PIGF: variants seen among roughly 807,000 people sequenced by gnomAD.
PIGF encodes the protein phosphatidylinositol glycan anchor biosynthesis class F, also known as GPI ethanolamine phosphate transferase, stabilizing subunit.
PIGF carries 23 observed loss-of-function variants against 26.0 expected under a neutral mutation model. That is an observed-to-expected ratio of 0.88 (90% CI 0.64 to 1.25). The LOEUF is 1.25. Among genes scored for constraint, PIGF ranks in the 50% most tolerant of loss-of-function variants. The pLI, the probability that PIGF is intolerant of heterozygous loss-of-function variation, is 0.00. For missense variants in PIGF, 278 were observed against 249.9 expected (o/e 1.11, Z -0.76); for synonymous variants, 93 against 92.6 (o/e 1.00, Z -0.03).
intron 4 of PIGF, among the ~76,000 whole-genome samples, chr2:46,610,311 TAG>T (rs1670370603): frequency 6.6e-6 from 1 of 152,126 alleles, no homozygotes; most frequent in African/African-American, 2.4e-5. Context: ...TTATTAGACA[TAG>T]ACTTGAAAAC....
In PIGF at chr2:46,607,129, T is replaced by A. The variant is rs183504550; in HGVS notation, c.437+5099A>T. On this transcript the variant is annotated intron_variant, in intron 4 of 5. Transcript: ENST00000281382. ...TATTTTAAATAGATGATGTGTACGG[T>A]GTGTGAATTATATCTCAATACTGTT... Among the ~76,000 whole-genome samples, 248 of 152,276 alleles carry A rather than the reference T, an allele frequency of 1.6e-3. 1 individual carries two copies. The highest frequency in any genetic ancestry group is 5.6e-3 in the African/African-American group (231 of 41,570).
rs80341704 is a variant in PIGF, at chr2:46,588,452, G to C, written c.546+4023C>G. ...CACAAATGCCTGTAACATTAATTAA[G>C]TAATAACCATGTGTCAGGTGCTGAG... On this transcript the variant is annotated intron_variant, in intron 5 of 5. Transcript: ENST00000281382. This position sits in a 1 kb window ranked among gnomAD's most constrained non-coding sequence, Gnocchi z 4.1. 2,221 of 305,904 alleles carry C rather than the reference G, an allele frequency of 7.3e-3. 62 individuals are homozygous for C. Among genetic ancestry groups the C allele is most frequent in the African/African-American group, 0.046 (2,053 of 44,808 alleles). The allele number at this position is 305,904 out of a possible 1,614,324, so 18.9% of individuals were successfully genotyped here. A position where few individuals can be genotyped will look rare whatever the true frequency, so the allele number is the denominator to read the frequency against.
chr2:46,614,825 T>C (rs1369206258), intron 2 of PIGF, 112 bp downstream of exon 2: 2 of 601,210 alleles, frequency 3.3e-6, no homozygotes, highest in Non-Finnish European at 6.0e-6. Flanking sequence ...AAATATCAGG[T>C]TCCCTTTGCT....
At chr2:46,596,100 G>A (rs1669875130) in intron 4 of PIGF, among the ~76,000 whole-genome samples, 1 of 151,762 alleles carries the variant, frequency 6.6e-6, no homozygotes, top group South Asian at 2.1e-4. Flanking sequence ...TGTAATCCCA[G>A]CTACTCGGGA....
At chr2:46,592,027 A>G in intron 5 of PIGF, 1 of 1,224,224 alleles carries the variant, frequency 8.2e-7, no homozygotes, top group Admixed American at 2.4e-5. Flanking sequence ...GAAAATAGGA[A>G]ATTTCTGCAG....
intron 5 of PIGF, chr2:46,582,329 T>C (rs1433851846): frequency 6.6e-6 from 1 of 151,984 alleles, no homozygotes; most frequent in African/African-American, 2.4e-5. Context: ...TGTTCTTCTG[T>C]GAAGCTTATT....
chr2:46,612,987 C>G (rs1670474659), intron 3 of PIGF, among the ~76,000 whole-genome samples: 1 of 151,860 alleles, frequency 6.6e-6, no homozygotes, highest in African/African-American at 2.4e-5. Context: ...CTTGTTCTCT[C>G]CCATCTAGAA....
At chr2:46,585,798 G>C (rs1175362755) in intron 5 of PIGF, among the ~76,000 whole-genome samples, 3 of 151,588 alleles carry the variant, frequency 2.0e-5, no homozygotes, top group Non-Finnish European at 4.4e-5. Context: ...TTTTGAGACG[G>C]ACTCTCGCTC....
chr2:46,580,974 G>T lies in PIGF; in HGVS notation c.*504C>A, dbSNP rs760621933. 6.3e-7 allele frequency: 1 copy of T among 1,577,794 alleles called. No individual in the cohort carries two copies. The highest frequency in any genetic ancestry group is 8.6e-7 in the Non-Finnish European group (1 of 1,167,634). On this transcript the variant is annotated 3_prime_UTR_variant, in exon 6 of 6. Transcript: ENST00000281382. ...GAATGTTCAGCTTTAACCCAGAAGG[G>T]ATTGAAGACTGTTTTTGATGAGGCT... is the stretch of plus-strand genomic sequence containing the variant.
At chr2:46,609,039 C>T (rs892060423) in intron 4 of PIGF, among the ~76,000 whole-genome samples, 3 of 152,240 alleles carry the variant, frequency 2.0e-5, no homozygotes, top group African/African-American at 7.2e-5. Flanking sequence ...TCCTCTCTAA[C>T]TTTAAAAGTC....
At chr2:46,606,217 G>A (rs1670216798) in intron 4 of PIGF, among the ~76,000 whole-genome samples, 1 of 152,176 alleles carries the variant, frequency 6.6e-6, no homozygotes, top group Non-Finnish European at 1.5e-5. Context: ...GATATTCAGT[G>A]GAAAGTCTCC....
At chr2:46,609,939 C>T (rs59183773) in intron 4 of PIGF, among the ~76,000 whole-genome samples, 26,423 of 151,944 alleles carry the variant, frequency 0.17, 3,599 homozygotes, top group African/African-American at 0.38. Flanking sequence ...GGAAAAACGG[C>T]GCTGATACAT....
At chr2:46,596,674 AC>A (rs948916167) in intron 4 of PIGF, among the ~76,000 whole-genome samples, 4 of 151,992 alleles carry the variant, frequency 2.6e-5, no homozygotes, top group East Asian at 3.9e-4. Context: ...AAAAAAAAAA[AC>A]ATAAATTAAG....
chr2:46,598,909 A>G (rs1669972078), intron 4 of PIGF, among the ~76,000 whole-genome samples: 1 of 152,222 alleles, frequency 6.6e-6, no homozygotes, highest in Non-Finnish European at 1.5e-5. Flanking sequence ...GGATGCTTAT[A>G]ATTCAAGCAC....
At chr2:46,611,445 C>T (rs1309136653) in intron 4 of PIGF, among the ~76,000 whole-genome samples, 1 of 150,918 alleles carries the variant, frequency 6.6e-6, no homozygotes, top group Non-Finnish European at 1.5e-5. Context: ...AATCATGCCA[C>T]TGCACTCCAG....
rs189751849 is a variant in PIGF, at chr2:46,591,871, T to C, written c.546+604A>G. ...TACAAGACGAAAAATCTGATGTTTG[T>C]GAGCTTTCTTGATAACACAGGCCGC... On this transcript the variant is annotated intron_variant, in intron 5 of 5. Transcript: ENST00000281382. The C allele has an allele frequency of 9.2e-6, 12 of 1,303,804 alleles. No homozygotes were observed. In the African/African-American group the frequency reaches 1.4e-4, roughly 15 times the overall value. 80.8% of individuals were successfully genotyped at this position (1,303,804 alleles called of 1,614,324 possible).
At chr2:46,598,261 T>C (rs1174859821) in intron 4 of PIGF, among the ~76,000 whole-genome samples, 6 of 152,154 alleles carry the variant, frequency 3.9e-5, no homozygotes, top group Non-Finnish European at 5.9e-5. Context: ...TCTGTCTTTA[T>C]ATACTGCCTC....
chr2:46,590,911 G>A (rs947539988), intron 5 of PIGF, among the ~76,000 whole-genome samples: 23 of 152,054 alleles, frequency 1.5e-4, no homozygotes, highest in Admixed American at 9.8e-4. Context: ...TTTGACTTTC[G>A]GGGAGACACG....
intron 1 of PIGF, chr2:46,616,592 C>G (rs1232034525): frequency 6.5e-6 from 1 of 153,860 alleles, no homozygotes; most frequent in Admixed American, 6.4e-5. Context: ...CGCACCGCAG[C>G]GGAGAGAAGG....
Sources: gnomAD v4.1 joint callset for allele counts (sites outside exome capture counted in the v4.1 genomes callset) on GRCh38, gnomAD v4.1.1 for gene constraint, Gnocchi (gnomAD v3.1) non-coding constraint, MANE v1.5 for transcripts, NCBI Gene and HGNC (gene_info 2026-07-23, HGNC 2026-07-21) for gene names.